The following GPC3 variants were observed in gnomAD, a reference collection of about 807,000 sequenced individuals.
GPC3 encodes glypican-3.
In GPC3, 3 loss-of-function variants were observed where a neutral mutation model predicts 34.4. That is an observed-to-expected ratio of 0.09 (90% CI 0.04 to 0.23). The LOEUF is 0.23. Ranked by LOEUF, GPC3 falls within the 10% of genes least tolerant of loss-of-function variation. The pLI is 1.00. For synonymous variants in GPC3, 177 were observed against 174.0 expected (o/e 1.02, Z -0.13); for missense variants, 351 against 445.6 (o/e 0.79, Z 1.91).
chrX:133,814,250 A>T (rs774459980), intron 2 of GPC3, among the ~76,000 whole-genome samples: 1 of 110,817 alleles, frequency 9.0e-6, no homozygotes, highest in Non-Finnish European at 1.9e-5. Context: ...CTATAATATG[A>T]TTTTCAACCC....
chrX:133,878,222 G>A (rs2076025543), intron 2 of GPC3, among the ~76,000 whole-genome samples: 1 of 111,136 alleles, frequency 9.0e-6, no homozygotes, highest in African/African-American at 3.3e-5. Flanking sequence ...GAGGTCAGGA[G>A]GTCAAGACCA....
chrX:133,637,304 C>T (rs1173537064), intron 6 of GPC3, among the ~76,000 whole-genome samples: 1 of 110,170 alleles, frequency 9.1e-6, no homozygotes, highest in African/African-American at 3.3e-5. Flanking sequence ...CCTGTCTCTA[C>T]TAAAAATACA....
intron 7 of GPC3, among the ~76,000 whole-genome samples, chrX:133,556,770 GGGGGGGT>G (rs1381963835): frequency 3.4e-4 from 23 of 68,311 alleles, no homozygotes; most frequent in Non-Finnish European, 6.0e-4. Context: ...TAAAGTTTTT[GGGGGGGT>G]GGGGGGAGGG....
rs746512234 is a variant in GPC3 at position 133,794,388 on chromosome X, C to G, written c.338-40212G>C. 3.6e-5 allele frequency among the ~76,000 whole-genome samples: 4 copies of G among 111,745 alleles called. No individual in the cohort carries two copies. In the South Asian group the frequency reaches 1.1e-3, roughly 32 times the overall value. The stretch of plus-strand genomic sequence containing the variant: ...AGAATGTCCCTGAGCACAAAGGAGG[C>G]CTCGTTTGTGTTTAAGTTGCTAAGA... On this transcript the variant is annotated intron_variant, in intron 2 of 7. Coordinates refer to ENST00000370818, the MANE Select transcript of GPC3 (RefSeq NM_004484.4).
chrX:133,550,416 T>G (rs1192507152), intron 7 of GPC3, among the ~76,000 whole-genome samples: 1 of 111,636 alleles, frequency 9.0e-6, no homozygotes, highest in African/African-American at 3.3e-5. Flanking sequence ...CTCTGAGTAT[T>G]AATTGAATTG....
intron 6 of GPC3, among the ~76,000 whole-genome samples, chrX:133,659,057 T>C (rs1415659085): frequency 8.9e-6 from 1 of 112,406 alleles, no homozygotes; most frequent in Non-Finnish European, 1.9e-5. Flanking sequence ...AACTGCCATA[T>C]ATTAAGTGCC....
At chrX:133,582,746 A>G (rs1253814078) in intron 7 of GPC3, among the ~76,000 whole-genome samples, 1 of 111,845 alleles carries the variant, frequency 8.9e-6, no homozygotes, top group Non-Finnish European at 1.9e-5. Flanking sequence ...TGGGTCCTTC[A>G]TCATAGATAA....
intron 2 of GPC3, among the ~76,000 whole-genome samples, chrX:133,800,556 G>A (rs1393953512): frequency 1.8e-5 from 2 of 112,113 alleles, no homozygotes; most frequent in Middle Eastern, 4.6e-3. Flanking sequence ...AATCTAGTCT[G>A]TTTGGGCTCA....
intron 2 of GPC3, among the ~76,000 whole-genome samples, chrX:133,863,935 G>A (rs968756427): frequency 3.6e-5 from 4 of 110,668 alleles, no homozygotes; most frequent in Non-Finnish European, 3.8e-5. Context: ...GATTACAGGC[G>A]TGAGCCACCG....
At chrX:133,573,809 C>T (rs1239210841) in intron 7 of GPC3, among the ~76,000 whole-genome samples, 1 of 112,051 alleles carries the variant, frequency 8.9e-6, no homozygotes, top group Admixed American at 9.4e-5. Flanking sequence ...TTGTTCCCAC[C>T]TTTTAGCTAT....
intron 3 of GPC3, among the ~76,000 whole-genome samples, chrX:133,711,212 G>A (rs2071263967): frequency 8.9e-6 from 1 of 111,833 alleles, no homozygotes; most frequent in African/African-American, 3.3e-5. Context: ...TTTAGGTCTA[G>A]GATTCCATCA....
intron 2 of GPC3, among the ~76,000 whole-genome samples, chrX:133,798,020 A>G (rs148865901): frequency 7.3e-4 from 82 of 111,885 alleles, no homozygotes; most frequent in African/African-American, 2.4e-3. Context: ...CAACAGTGCA[A>G]GTTTGTCAAA....
intron 7 of GPC3, among the ~76,000 whole-genome samples, chrX:133,594,197 A>G (rs1249283837): frequency 8.9e-6 from 1 of 112,506 alleles, no homozygotes; most frequent in Non-Finnish European, 1.9e-5. Context: ...ATTTAAGGGC[A>G]AGAGAGAAGA....
intron 3 of GPC3, among the ~76,000 whole-genome samples, chrX:133,707,323 A>T (rs779036207): frequency 2.0e-4 from 22 of 111,863 alleles, no homozygotes; most frequent in African/African-American, 6.5e-4. Context: ...ATATACCCAT[A>T]TGACAAACCT....
chrX:133,562,674 G>A (rs1022140964), intron 7 of GPC3, among the ~76,000 whole-genome samples: 25 of 111,593 alleles, frequency 2.2e-4, no homozygotes, highest in African/African-American at 8.1e-4. Flanking sequence ...CTGCACCTCA[G>A]TCTCCATCTG....
chrX:133,638,223 T>C (rs2070447546), intron 6 of GPC3, among the ~76,000 whole-genome samples: 1 of 111,834 alleles, frequency 8.9e-6, no homozygotes, highest in South Asian at 3.8e-4. Flanking sequence ...ACTTTCAAAA[T>C]GTGAACACGT....
intron 2 of GPC3, among the ~76,000 whole-genome samples, chrX:133,886,642 C>T (rs1393473019): frequency 8.9e-6 from 1 of 112,011 alleles, no homozygotes; most frequent in Non-Finnish European, 1.9e-5. Context: ...AACCAGCATT[C>T]TGCTCTCTCC....
chrX:133,552,012 T>C (rs2069437903), intron 7 of GPC3, among the ~76,000 whole-genome samples: 1 of 112,828 alleles, frequency 8.9e-6, no homozygotes, highest in African/African-American at 3.2e-5. Flanking sequence ...TTAAGAACTT[T>C]CTAATAACAC....
intron 1 of GPC3, among the ~76,000 whole-genome samples, chrX:133,957,395 A>G (rs191226125): frequency 1.8e-4 from 20 of 113,005 alleles, no homozygotes; most frequent in African/African-American, 6.4e-4. Flanking sequence ...CAGCATGAGG[A>G]AGAAGCCTAG....
Sources: allele counts gnomAD v4.1 joint callset (sites outside exome capture counted in the v4.1 genomes callset), GRCh38; gene constraint gnomAD v4.1.1; transcripts MANE v1.5; gene names NCBI Gene and HGNC (gene_info 2026-07-23, HGNC 2026-07-21).